The following NEK10 variants were observed in gnomAD, a reference collection of about 807,000 sequenced individuals.
The protein encoded by NEK10 is serine/threonine-protein kinase Nek10.
Under a neutral mutation model 159.8 loss-of-function variants are expected in NEK10, and 122 were observed. That is an observed-to-expected ratio of 0.76 (90% CI 0.66 to 0.89). The LOEUF (loss-of-function observed/expected upper bound fraction) is 0.89, where lower values mean the gene tolerates loss of function less well. Ranked by LOEUF, NEK10 falls within the 40% of genes least tolerant of loss-of-function variation. The probability of loss-of-function intolerance (pLI) is 0.00; values close to 1 mark genes in which losing one functional copy is unlikely to be tolerated. For synonymous variants in NEK10, 466 were observed against 457.1 expected (o/e 1.02, Z -0.25); for missense variants, 1,342 against 1,323.1 (o/e 1.01, Z -0.22).
intron 30 of NEK10, among the ~76,000 whole-genome samples, chr3:27,141,952 C>T (rs1441709073): frequency 6.6e-6 from 1 of 152,094 alleles, no homozygotes; most frequent in Non-Finnish European, 1.5e-5. Flanking sequence ...ATGCTTTTAA[C>T]TTTTAAATTC....
chr3:27,233,584 T>C (rs1180620823), intron 23 of NEK10, among the ~76,000 whole-genome samples: 4 of 151,976 alleles, frequency 2.6e-5, no homozygotes, highest in East Asian at 1.9e-4. Context: ...AGTTGTTTTA[T>C]GAAAATGCAT....
In NEK10 at chr3:27,202,453, G is replaced by C; in HGVS notation, c.2195C>G (p.Thr732Ser). Reference sequence around the variant, plus strand: ...TTTTGTAGCCAAGGACAGCATGTTAGTGCTGTAGAAGGGGGGACTCAAAGT... The same window carrying C: ...TTTTGTAGCCAAGGACAGCATGTTACTGCTGTAGAAGGGGGGACTCAAAGT... Reference protein sequence around the residue: ...MATLSPPFYSTNMLSLATKIV... With the variant: ...MATLSPPFYSSNMLSLATKIV... The change falls in exon 24 of 36, where the codon ACT becomes AGT. Residue 732 changes from threonine to serine, a missense_variant. Thr to Ser is a moderately conservative substitution (Grantham distance 58). Transcript: ENST00000691995. The C allele has an allele frequency of 1.2e-6, 2 of 1,613,684 alleles. No individual in the cohort carries two copies. Among genetic ancestry groups the C allele is most frequent in the Non-Finnish European group, 1.7e-6 (2 of 1,179,730 alleles).
chr3:27,224,625 T>C (rs1288952670), intron 23 of NEK10, among the ~76,000 whole-genome samples: 2 of 152,212 alleles, frequency 1.3e-5, no homozygotes, highest in African/African-American at 4.8e-5. Flanking sequence ...TCAGTAACAG[T>C]ACATTGTATT....
At chr3:27,275,982 C>A (rs1306529855) in intron 22 of NEK10, among the ~76,000 whole-genome samples, 1 of 152,046 alleles carries the variant, frequency 6.6e-6, no homozygotes, top group Non-Finnish European at 1.5e-5. Flanking sequence ...GCAATTTCTA[C>A]ATTAATATTC....
At chr3:27,247,540 AT>A (rs1157687218) in intron 23 of NEK10, among the ~76,000 whole-genome samples, 5 of 151,706 alleles carry the variant, frequency 3.3e-5, no homozygotes, top group African/African-American at 1.2e-4. Context: ...ATTTTATTTT[AT>A]TTTATTTTAT....
intron 23 of NEK10, among the ~76,000 whole-genome samples, chr3:27,208,834 G>T (rs1165992837): frequency 6.6e-6 from 1 of 152,198 alleles, no homozygotes; most frequent in Non-Finnish European, 1.5e-5. Context: ...TATCCTCAGA[G>T]CATGTGCTGT....
chr3:27,164,379 A>G (rs750648470), intron 29 of NEK10, among the ~76,000 whole-genome samples: 3 of 152,202 alleles, frequency 2.0e-5, no homozygotes, highest in Non-Finnish European at 4.4e-5. Context: ...ACCCTTCTAG[A>G]TGAAGCTAGT....
chr3:27,229,417 T>A (rs1952990012), intron 23 of NEK10, among the ~76,000 whole-genome samples: 1 of 151,956 alleles, frequency 6.6e-6, no homozygotes, highest in Non-Finnish European at 1.5e-5. Context: ...TCTACCCAAA[T>A]GAGAAGGAAC....
intron 1 of NEK10, among the ~76,000 whole-genome samples, chr3:27,354,008 T>C (rs2048155144): frequency 6.6e-6 from 1 of 152,086 alleles, no homozygotes; most frequent in South Asian, 2.1e-4. Context: ...AATATGCAAA[T>C]ACAAAAATGC....
At chr3:27,265,528 T>C (rs1177348006) in intron 22 of NEK10, 3 of 152,212 alleles carry the variant, frequency 2.0e-5, no homozygotes, top group African/African-American at 7.2e-5. Context: ...TTAGAGCTTA[T>C]TTGTGTTGAA....
intron 3 of NEK10, among the ~76,000 whole-genome samples, chr3:27,350,184 G>A (rs561130722): frequency 6.6e-6 from 1 of 152,246 alleles, no homozygotes; most frequent in Admixed American, 6.5e-5. Context: ...TTCAAATTGA[G>A]TACTGAAAAT....
At chr3:27,209,271 T>C (rs1456228769) in intron 23 of NEK10, among the ~76,000 whole-genome samples, 1 of 152,234 alleles carries the variant, frequency 6.6e-6, no homozygotes, top group Non-Finnish European at 1.5e-5. Context: ...CAATCCTAAA[T>C]TGCAGTATTA....
chr3:27,236,764 C>A (rs552222263), intron 23 of NEK10, among the ~76,000 whole-genome samples: 1 of 152,280 alleles, frequency 6.6e-6, no homozygotes, highest in African/African-American at 2.4e-5. Flanking sequence ...GCAAAGATCA[C>A]AAGGCAAAGG....
chr3:27,238,593 A>G (rs1165073293), intron 23 of NEK10, among the ~76,000 whole-genome samples: 1 of 152,108 alleles, frequency 6.6e-6, no homozygotes, highest in Non-Finnish European at 1.5e-5. Flanking sequence ...TGACTTGACA[A>G]TATTTTCAGA....
At chr3:27,150,192 A>C (rs1575514156) in intron 30 of NEK10, among the ~76,000 whole-genome samples, 1 of 152,206 alleles carries the variant, frequency 6.6e-6, no homozygotes, top group African/African-American at 2.4e-5. Context: ...CAAAGCTGTA[A>C]ATGCTGATAT....
intron 13 of NEK10, among the ~76,000 whole-genome samples, chr3:27,298,070 G>A (rs752951208): frequency 6.6e-6 from 1 of 152,138 alleles, no homozygotes; most frequent in African/African-American, 2.4e-5. Flanking sequence ...CCATCAATGA[G>A]GGTGGAGCCA....
At chr3:27,204,278 T>TC (rs1950298966) in intron 23 of NEK10, among the ~76,000 whole-genome samples, 1 of 116,682 alleles carries the variant, frequency 8.6e-6, no homozygotes, top group Admixed American at 8.9e-5. Context: ...AAATTTTCTT[T>TC]TTTTTTTTTT....
intron 32 of NEK10, 117 bp downstream of exon 32, chr3:27,131,763 C>T: frequency 2.2e-6 from 1 of 459,888 alleles, no homozygotes; most frequent in Non-Finnish European, 3.9e-6. Context: ...TGTAAAGCAG[C>T]AATAAGAAAC....
At chr3:27,306,844 T>C (rs571894741) in intron 11 of NEK10, among the ~76,000 whole-genome samples, 52 of 152,322 alleles carry the variant, frequency 3.4e-4, no homozygotes, top group African/African-American at 1.2e-3. Flanking sequence ...TTTGTTCTTA[T>C]GGTCCTGCTG....
Sources: gnomAD v4.1 joint callset for allele counts (sites outside exome capture counted in the v4.1 genomes callset) on GRCh38, gnomAD v4.1.1 for gene constraint, MANE v1.5 for transcripts, NCBI Gene and HGNC (gene_info 2026-07-23, HGNC 2026-07-21) for gene names.